Variants in POLE2 observed in about 807,000 individuals in gnomAD.
POLE2 encodes DNA polymerase epsilon 2, accessory subunit, also known as DNA polymerase epsilon subunit 2.
In POLE2, 56 loss-of-function variants were observed where a neutral mutation model predicts 79.4. That is an observed-to-expected ratio of 0.71 (90% CI 0.57 to 0.88). The LOEUF (loss-of-function observed/expected upper bound fraction) is 0.88, where lower values mean the gene tolerates loss of function less well. Ranked by LOEUF, POLE2 falls within the 40% of genes least tolerant of loss-of-function variation. The probability of loss-of-function intolerance (pLI) is 0.00; values close to 1 mark genes in which losing one functional copy is unlikely to be tolerated. For synonymous variants in POLE2, 212 were observed against 214.0 expected, an observed-to-expected ratio of 0.99 and a Z score of 0.08; for missense variants, 598 against 638.9, an observed-to-expected ratio of 0.94 and a Z score of 0.69.
intron 9 of POLE2, among the ~76,000 whole-genome samples, chr14:49,664,096 C>A (rs1202367529): frequency 3.3e-5 from 5 of 151,204 alleles, no homozygotes; most frequent in Non-Finnish European, 5.9e-5. Flanking sequence ...CGCCTGTAAT[C>A]CCAACACTTT....
chr14:49,653,883 T>C (rs1884457822), intron 15 of POLE2, 107 bp downstream of exon 15: 2 of 640,010 alleles, frequency 3.1e-6, no homozygotes, highest in South Asian at 4.0e-5. Context: ...CCAAGCAACC[T>C]GCCTGCCTCG....
intron 10 of POLE2, among the ~76,000 whole-genome samples, chr14:49,660,701 G>A (rs1159111195): frequency 6.6e-6 from 1 of 152,064 alleles, no homozygotes; most frequent in Non-Finnish European, 1.5e-5. Context: ...AGACCAGCCT[G>A]ACCAACATAG....
At chr14:49,650,500 A>G in intron 16 of POLE2, 59 bp from the exon 17 acceptor site, 1 of 1,135,122 alleles carries the variant, frequency 8.8e-7, no homozygotes, top group Non-Finnish European at 1.2e-6. Context: ...GAAAATAGCT[A>G]AACAAATAAT....
chr14:49,646,291 T>C (rs867247454), intron 18 of POLE2, among the ~76,000 whole-genome samples: 4 of 89,420 alleles, frequency 4.5e-5, no homozygotes, highest in Admixed American at 1.4e-4. Flanking sequence ...TGGTCAGTTG[T>C]TTTTTTGTTG....
In POLE2 at chr14:49,650,310, A is replaced by G. The variant is rs1484971971; in HGVS notation, c.1452T>C (p.Tyr484=). ...VPDLLVIADK[Y]DPFTTTNTEC... ...CGGTATTTGTCGTAGTGAAAGGATCATATTTGTCTGCAATGACAAGTAGAT... is the reference window on the plus strand; with the variant it reads ...CGGTATTTGTCGTAGTGAAAGGATCGTATTTGTCTGCAATGACAAGTAGAT... The change falls in exon 17 of 19, where the codon TAT becomes TAC. Residue 484 remains tyrosine (Y), a synonymous_variant. Transcript: ENST00000216367. The G allele has an allele frequency of 4.3e-6, 7 of 1,610,654 alleles. No individual in the cohort carries two copies. The highest frequency in any genetic ancestry group is 5.9e-6 in the Non-Finnish European group (7 of 1,178,122).
At chr14:49,666,658 C>G (rs368728100) in intron 6 of POLE2, among the ~76,000 whole-genome samples, 5 of 152,096 alleles carry the variant, frequency 3.3e-5, no homozygotes, top group Admixed American at 3.3e-4. Context: ...CAGGCTCTTA[C>G]CAATGACTGA....
chr14:49,656,602 T>C (rs894913236), intron 10 of POLE2, among the ~76,000 whole-genome samples: 1 of 152,094 alleles, frequency 6.6e-6, no homozygotes, highest in African/African-American at 2.4e-5. Context: ...CAAAGCTTGG[T>C]TTTATTCAAT....
At chr14:49,678,534 A>G (rs746811839) in intron 3 of POLE2, among the ~76,000 whole-genome samples, 1 of 152,224 alleles carries the variant, frequency 6.6e-6, no homozygotes, top group Non-Finnish European at 1.5e-5. Flanking sequence ...AAATAAATAA[A>G]TAACAGGTAA....
chr14:49,664,654 G>T lies in POLE2; in HGVS notation c.654C>A (p.Tyr218Ter). ...CTGCTAAGACAAAGCATGCCTCTGT[G>T]TATAAACCACTATGGAACTGGTACA... Reference protein sequence around the residue: ...LSKAQFHSGLYTEACFVLAEG... With the variant: ...LSKAQFHSGL Residue 218 changes from tyrosine (Y) to a stop codon, truncating the protein, a stop_gained, in exon 9 of 19, where the codon TAC (tyrosine) becomes TAA (stop). Transcript: ENST00000216367. LOFTEE classifies it high-confidence loss of function. 6.3e-7 allele frequency: 1 copy of T among 1,594,972 alleles called. No individual in the cohort carries two copies. The highest frequency in any genetic ancestry group is 8.6e-7 in the Non-Finnish European group (1 of 1,162,802).
intron 1 of POLE2, among the ~76,000 whole-genome samples, chr14:49,686,412 G>C (rs1233647626): frequency 2.0e-5 from 3 of 152,184 alleles, no homozygotes; most frequent in African/African-American, 7.2e-5. Context: ...CAGCCTGCCA[G>C]GCAATCAGGA....
chr14:49,688,211 A>G lies in POLE2; in HGVS notation c.-8T>C. On this transcript the variant is annotated 5_prime_UTR_variant, in exon 1 of 19. Coordinates refer to ENST00000216367, the MANE Select transcript of POLE2 (RefSeq NM_002692.4). The stretch of plus-strand genomic sequence containing the variant: ...CAGCCGCTCCGGCGCCATATTTGCG[A>G]TTTGGCGCCACCGCCGCAGCTCCGC... 6.6e-7 allele frequency: 1 copy of G among 1,521,846 alleles called. No homozygotes were observed. Among genetic ancestry groups the G allele is most frequent in the Non-Finnish European group, 8.8e-7 (1 of 1,136,914 alleles). The allele number at this position is 1,521,846 out of a possible 1,614,324, so 94.3% of individuals were successfully genotyped here.
intron 10 of POLE2, 114 bp from the exon 11 acceptor site, chr14:49,655,957 A>G: frequency 1.7e-6 from 1 of 595,796 alleles, no homozygotes; most frequent in Non-Finnish European, 2.9e-6. Context: ...GTAAAAAGGT[A>G]CTCTTTGTAA....
At position 49,674,199 on chromosome 14, in the gene POLE2, T is replaced by C; in HGVS notation, c.341A>G (p.His114Arg). 1.2e-6 allele frequency: 2 copies of C among 1,611,742 alleles called. No homozygotes were observed. The highest frequency in any genetic ancestry group is 1.7e-6 in the Non-Finnish European group (2 of 1,177,910). Residue 114 changes from histidine (H) to arginine (R), a missense_variant, in exon 5 of 19, where the codon CAC becomes CGC. Physicochemically the swap from His to Arg is conservative, Grantham distance 29. Coordinates refer to ENST00000216367, the MANE Select transcript of POLE2 (RefSeq NM_002692.4). ...KKFLPLLMTN[H>R]PAPNLFGTPR... ...TGTTCCAAATAAATTTGGTGCAGGG[T>C]GGTTGGTCATTAACAGACTAGAAAA...
chr14:49,675,630 T>C (rs1198570752), intron 3 of POLE2, among the ~76,000 whole-genome samples: 5 of 151,878 alleles, frequency 3.3e-5, no homozygotes, highest in Non-Finnish European at 7.4e-5. Flanking sequence ...TTTGCCATAT[T>C]GGCCAGGCTG....
intron 18 of POLE2, 115 bp downstream of exon 18, chr14:49,647,178 T>C: frequency 1.6e-6 from 1 of 619,698 alleles, no homozygotes; most frequent in Non-Finnish European, 2.9e-6. Context: ...TAATATTTCT[T>C]TATGGGCCAC....
rs766688419 is a variant in POLE2 at position 49,674,191 on chromosome 14, G to T, written c.349C>A (p.Pro117Thr). 4 of 1,612,522 alleles carry T rather than the reference G, an allele frequency of 2.5e-6. No individual in the cohort carries two copies. The East Asian group carries it at 8.9e-5, about 36-fold the overall frequency. ...TCTCTTGGTGTTCCAAATAAATTTG[G>T]TGCAGGGTGGTTGGTCATTAACAGA... ...LPLLMTNHPA[P>T]NLFGTPRDKA... Residue 117 changes from proline to threonine, a missense_variant, in exon 5 of 19, where the codon CCA (proline) becomes ACA (threonine). By Grantham distance (38) the Pro-to-Thr change is conservative. Coordinates refer to ENST00000216367, the MANE Select transcript of POLE2 (RefSeq NM_002692.4).
intron 10 of POLE2, 80 bp from the exon 11 acceptor site, chr14:49,655,923 T>C: frequency 1.4e-6 from 1 of 719,426 alleles, no homozygotes. Flanking sequence ...AGCTTCTTTG[T>C]ATCTAATGAA....
chr14:49,675,295 G>C (rs1465864101), intron 3 of POLE2, among the ~76,000 whole-genome samples: 1 of 151,908 alleles, frequency 6.6e-6, no homozygotes. Flanking sequence ...TGTTGGTCAG[G>C]CTGGTCACTA....
In POLE2 at chr14:49,669,584, A is replaced by G; in HGVS notation, c.432T>C (p.His144=). 1.9e-6 allele frequency: 3 copies of G among 1,580,046 alleles called. No individual in the cohort carries two copies. Among genetic ancestry groups the G allele is most frequent in the Non-Finnish European group, 2.6e-6 (3 of 1,149,222 alleles). The change falls in exon 6 of 19, where the codon CAT becomes CAC. Residue 144 remains histidine (H), a synonymous_variant. Transcript: ENST00000216367. ...CTATCACCGGAGGAGTAAATAATTC[A>G]TGCCTGTGGGTCCTCTATAAAAAAG... is the stretch of plus-strand genomic sequence containing the variant. ...YTILHQRTHR[H]ELFTPPVIGS...
Sources: allele counts gnomAD v4.1 joint callset (sites outside exome capture counted in the v4.1 genomes callset), GRCh38; gene constraint gnomAD v4.1.1; transcripts MANE v1.5; gene names NCBI Gene and HGNC (gene_info 2026-07-23, HGNC 2026-07-21).